FMNL2: variants seen among roughly 807,000 people sequenced by gnomAD.
FMNL2 encodes the protein formin-like protein 2.
In FMNL2, 51 loss-of-function variants were observed where a neutral mutation model predicts 130.2. The observed-to-expected ratio is 0.39, with a 90% CI of 0.31 to 0.49. The LOEUF (loss-of-function observed/expected upper bound fraction) is 0.49. FMNL2 is among the 20% of genes least tolerant of loss of function. FMNL2 has a pLI of 0.85. For missense variants in FMNL2, 977 were observed against 1,316.2 expected (o/e 0.74, Z 3.99); for synonymous variants, 465 against 467.1 (o/e 1.00, Z 0.06).
At chr2:152,646,096 G>C (rs1191721708) in intron 25 of FMNL2, among the ~76,000 whole-genome samples, 4 of 151,558 alleles carry the variant, frequency 2.6e-5, no homozygotes, top group African/African-American at 7.3e-5. Flanking sequence ...GGGAGGCCGA[G>C]GTGGGCAAAT....
intron 11 of FMNL2, among the ~76,000 whole-genome samples, chr2:152,614,336 G>A (rs1698832343): frequency 1.3e-5 from 2 of 152,210 alleles, no homozygotes; most frequent in Non-Finnish European, 2.9e-5. Context: ...TTGGGAGAGC[G>A]TATTCACCCG....
intron 5 of FMNL2, 105 bp from the exon 6 acceptor site, chr2:152,560,778 A>C: frequency 4.8e-6 from 5 of 1,032,892 alleles, no homozygotes; most frequent in Non-Finnish European, 6.6e-6. Flanking sequence ...AAGACTTTCC[A>C]TACTAAGGTG....
chr2:152,619,552 G>GCCACCCCCCCCCCCCCCCCCCCCC lies in FMNL2; in HGVS notation c.1673_1674insACCCCCCCCCCCCCCCCCCCCCCC (p.Pro566_Pro573dup). On this transcript the variant is annotated inframe_insertion, in exon 15 of 26. Transcript: ENST00000288670. ...CACCACCTATGCCACCGCCGCCGCCGCCCCCTCCTCCACCTCCTCCTCCCC... is the reference window on the plus strand; with the variant it reads ...CACCACCTATGCCACCGCCGCCGCCGCCACCCCCCCCCCCCCCCCCCCCCCCCCCTCCTCCACCTCCTCCTCCCC... 19 of 1,417,616 alleles carry GCCACCCCCCCCCCCCCCCCCCCCC rather than the reference G, an allele frequency of 1.3e-5. No homozygotes were observed. Among genetic ancestry groups the GCCACCCCCCCCCCCCCCCCCCCCC allele is most frequent in the South Asian group, 7.6e-5 (6 of 78,996 alleles). The allele number at this position is 1,417,616 out of a possible 1,614,324, so 87.8% of individuals were successfully genotyped here.
In FMNL2 at chr2:152,619,545, C is replaced by T. The variant is rs1484634610; in HGVS notation, c.1664C>T (p.Pro555Leu). The change falls in exon 15 of 26, where the codon CCG becomes CTG. Residue 555 changes from proline to leucine, a missense_variant. This residue lies in a region of FMNL2 where 689 missense variants were observed against 995.9 expected (regional missense o/e 0.69). Transcript: ENST00000288670. The stretch of plus-strand genomic sequence containing the variant: ...CCAGTAACACCACCTATGCCACCGC[C>T]GCCGCCGCCCCCTCCTCCACCTCCT... ...NGPVTPPMPP[P>L]PPPPPPPPPP... is the part of the protein sequence containing the mutation. 7.2e-7 allele frequency: 1 copy of T among 1,395,974 alleles called. No homozygotes were observed. The highest frequency in any genetic ancestry group is 9.3e-7 in the Non-Finnish European group (1 of 1,076,762). 86.5% of individuals were successfully genotyped at this position (1,395,974 alleles called of 1,614,324 possible).
intron 17 of FMNL2, among the ~76,000 whole-genome samples, chr2:152,627,289 A>G (rs559706470): frequency 1.3e-5 from 2 of 152,358 alleles, no homozygotes; most frequent in South Asian, 4.1e-4. Flanking sequence ...CATTTTAAAC[A>G]AAGTTCATTT....
rs1339802422 is a variant in FMNL2 at position 152,648,679 on chromosome 2, G to A, written c.*774G>A. On this transcript the variant is annotated 3_prime_UTR_variant, in exon 26 of 26. Coordinates refer to ENST00000288670, the MANE Select transcript of FMNL2 (RefSeq NM_052905.4). ...ATTTCTGAGGACCATTATTAATTCTGAGAACAGAAATTGGTGCCTTGCAAG... is the reference window on the plus strand; with the variant it reads ...ATTTCTGAGGACCATTATTAATTCTAAGAACAGAAATTGGTGCCTTGCAAG... The A allele has an allele frequency of 6.6e-6, 1 of 152,600 alleles. No homozygotes were observed. The highest frequency in any genetic ancestry group is 1.9e-4 in the East Asian group (1 of 5,200). The allele number at this position is 152,600 out of a possible 1,614,324, so 9.5% of individuals were successfully genotyped here. A position where few individuals can be genotyped will look rare whatever the true frequency, so the allele number is the denominator to read the frequency against.
intron 1 of FMNL2, among the ~76,000 whole-genome samples, chr2:152,402,364 G>GT (rs1685753356): frequency 6.6e-6 from 1 of 152,138 alleles, no homozygotes; most frequent in Admixed American, 6.5e-5. Flanking sequence ...ATTCCCTGCT[G>GT]TTTTTGGGGA....
intron 1 of FMNL2, among the ~76,000 whole-genome samples, chr2:152,351,646 G>A (rs1682491184): frequency 1.3e-5 from 2 of 152,294 alleles, no homozygotes; most frequent in African/African-American, 2.4e-5. Flanking sequence ...ATTGTAAATA[G>A]TGTTGCAGTA....
chr2:152,358,155 T>C (rs1279780082), intron 1 of FMNL2, among the ~76,000 whole-genome samples: 1 of 150,230 alleles, frequency 6.7e-6, no homozygotes, highest in Non-Finnish European at 1.5e-5. Context: ...CCCTCGAACA[T>C]CAGACTCCAA....
chr2:152,636,466 A>C lies in FMNL2; in HGVS notation c.2720A>C (p.Gln907Pro). 6.2e-7 allele frequency: 1 copy of C among 1,612,436 alleles called. No homozygotes were observed. Among genetic ancestry groups the C allele is most frequent in the Non-Finnish European group, 8.5e-7 (1 of 1,179,196 alleles). Residue 907 changes from glutamine to proline, a missense_variant, in exon 22 of 26, where the codon CAG (glutamine) becomes CCG (proline). By Grantham distance (76) the Gln-to-Pro change is moderately conservative. Coordinates refer to ENST00000288670, the MANE Select transcript of FMNL2 (RefSeq NM_052905.4). Reference sequence around the variant, plus strand: ...GTTTTGCTGGATGTCAAGGAGCTCCAGAGGGGAATGGACTTGACCAAGAGA... The same window carrying C: ...GTTTTGCTGGATGTCAAGGAGCTCCCGAGGGGAATGGACTTGACCAAGAGA... ...ENVLLDVKEL[Q>P]RGMDLTKREY...
chr2:152,576,995 C>T (rs983419535), intron 7 of FMNL2, among the ~76,000 whole-genome samples: 13 of 152,174 alleles, frequency 8.5e-5, no homozygotes, highest in Non-Finnish European at 1.3e-4. Flanking sequence ...ATGGTTATAA[C>T]GACATAATCT....
chr2:152,569,500 A>G (rs540395674), intron 6 of FMNL2, among the ~76,000 whole-genome samples: 4 of 152,040 alleles, frequency 2.6e-5, no homozygotes, highest in African/African-American at 7.2e-5. Context: ...TAAATAGGAA[A>G]TGTTCTGTGT....
intron 4 of FMNL2, among the ~76,000 whole-genome samples, chr2:152,553,214 A>G (rs6705986): frequency 0.56 from 85,506 of 152,064 alleles, 24,801 homozygotes; most frequent in Non-Finnish European, 0.64. Context: ...TGCTTTTAAC[A>G]TGCATACAAC....
chr2:152,503,824 G>A (rs1223686652), intron 1 of FMNL2, among the ~76,000 whole-genome samples: 1 of 152,188 alleles, frequency 6.6e-6, no homozygotes, highest in East Asian at 1.9e-4. Context: ...TAGGACAAGA[G>A]CCAGGATGTT....
intron 2 of FMNL2, among the ~76,000 whole-genome samples, chr2:152,533,799 T>C (rs1693839879): frequency 6.6e-6 from 1 of 152,122 alleles, no homozygotes; most frequent in African/African-American, 2.4e-5. Flanking sequence ...TTTTTGACAT[T>C]TCTAGTAGTA....
chr2:152,647,427 C>T (rs114882129), intron 25 of FMNL2, among the ~76,000 whole-genome samples: 3,779 of 152,182 alleles, frequency 0.025, 143 homozygotes, highest in African/African-American at 0.083. Flanking sequence ...AAATTTATTG[C>T]AGTTACTATT....
intron 1 of FMNL2, among the ~76,000 whole-genome samples, chr2:152,432,497 G>A (rs1579650435): frequency 6.6e-6 from 1 of 152,148 alleles, no homozygotes; most frequent in South Asian, 2.1e-4. Flanking sequence ...AGGGGATTTG[G>A]CTGCCTCCCG....
chr2:152,476,137 C>A (rs1266020846), intron 1 of FMNL2, among the ~76,000 whole-genome samples: 3 of 152,064 alleles, frequency 2.0e-5, no homozygotes, highest in Non-Finnish European at 2.9e-5. Flanking sequence ...AGATGGTATC[C>A]TGAGGAGCCT....
At position 152,647,052 on chromosome 2, in the gene FMNL2, C is replaced by A. The variant is rs116640364; in HGVS notation, c.3170-744C>A. ...TGCAGGAGGGCCCACACAACTACTT[C>A]TTGCTGACGTAACATAAAAAATATT... On this transcript the variant is annotated intron_variant, in intron 25 of 25. Transcript: ENST00000288670. Among the ~76,000 whole-genome samples, 454 of 152,292 alleles carry A rather than the reference C, an allele frequency of 3.0e-3. 1 individual carries two copies. The highest frequency in any genetic ancestry group is 5.1e-3 in the Non-Finnish European group (349 of 68,018).
Sources: gnomAD v4.1 joint callset for allele counts (sites outside exome capture counted in the v4.1 genomes callset) on GRCh38, gnomAD v4.1.1 for gene constraint, gnomAD v4.1.1 regional missense constraint, MANE v1.5 for transcripts, NCBI Gene and HGNC (gene_info 2026-07-23, HGNC 2026-07-21) for gene names.